Variants in EP300 observed in about 807,000 individuals in gnomAD.
EP300 encodes histone acetyltransferase p300.
EP300 carries 31 observed loss-of-function variants against 264.0 expected under a neutral mutation model. The observed-to-expected ratio is 0.12, with a 90% CI of 0.09 to 0.16. The LOEUF is 0.16. Ranked by LOEUF, EP300 falls within the 10% of genes least tolerant of loss-of-function variation. The probability of loss-of-function intolerance (pLI) is 1.00; values close to 1 mark genes in which losing one functional copy is unlikely to be tolerated. For synonymous variants in EP300, 1,340 were observed against 1,045.4 expected (o/e 1.28, Z -5.44); for missense variants, 2,766 against 3,052.9 (o/e 0.91, Z 2.21).
At chr22:41,137,875 G>A (rs567737014) in intron 8 of EP300, 85 bp downstream of exon 8, 109 of 1,580,872 alleles carry the variant, frequency 6.9e-5, no homozygotes, top group Middle Eastern at 3.4e-4. Context: ...AATTACTAAA[G>A]GAATATTAGC....
At chr22:41,170,380 A>C (rs1443139140) in intron 26 of EP300, 26 bp from the exon 27 acceptor site, 1 of 1,605,386 alleles carries the variant, frequency 6.2e-7, no homozygotes, top group African/African-American at 1.3e-5. Flanking sequence ...TCTTTTCCTT[A>C]ATGTTCTTTC....
chr22:41,142,446 A>G (rs1279856988), intron 10 of EP300, among the ~76,000 whole-genome samples: 3 of 152,174 alleles, frequency 2.0e-5, no homozygotes, highest in Non-Finnish European at 4.4e-5. Context: ...TGCTGAGGAA[A>G]TAGTATACAT....
At chr22:41,121,227 G>A (rs2145701783) in intron 2 of EP300, among the ~76,000 whole-genome samples, 1 of 152,252 alleles carries the variant, frequency 6.6e-6, no homozygotes, top group East Asian at 1.9e-4. Flanking sequence ...AGAACTTTGT[G>A]TGGCTTCCTC....
At chr22:41,104,326 G>T (rs1013594618) in intron 1 of EP300, among the ~76,000 whole-genome samples, 1 of 151,354 alleles carries the variant, frequency 6.6e-6, no homozygotes, top group African/African-American at 2.4e-5. Context: ...GTCTTGCTCT[G>T]TTGCCCAGGC....
At position 41,127,703 on chromosome 22, in the gene EP300, G is replaced by A. The variant is rs2145710456; in HGVS notation, c.1123G>A (p.Val375Ile). 1 of 1,614,222 alleles carries A rather than the reference G, an allele frequency of 6.2e-7. No homozygotes were observed. The highest frequency in any genetic ancestry group is 8.5e-7 in the Non-Finnish European group (1 of 1,180,044). The change falls in exon 4 of 31, where the codon GTC (valine) becomes ATC (isoleucine). Residue 375 changes from valine to isoleucine, a missense_variant. Val to Ile is a conservative substitution (Grantham distance 29). Transcript: ENST00000263253. ...NLPHCRTMKN[V>I]LNHMTHCQSG... The stretch of plus-strand genomic sequence containing the variant: ...TCCCCACTGTCGCACAATGAAGAAT[G>A]TCCTAAACCACATGACACACTGCCA...
At chr22:41,131,295 A>G in intron 5 of EP300, 93 bp from the exon 6 acceptor site, 1 of 1,361,636 alleles carries the variant, frequency 7.3e-7, no homozygotes, top group Non-Finnish European at 1.0e-6. Flanking sequence ...ATAATCACGT[A>G]ACAATAATTT....
At chr22:41,115,706 C>T (rs1424050184) in intron 1 of EP300, among the ~76,000 whole-genome samples, 2 of 152,158 alleles carry the variant, frequency 1.3e-5, no homozygotes, top group Non-Finnish European at 2.9e-5. Flanking sequence ...GCTACCAGGG[C>T]TGGTCTTGCA....
chr22:41,138,683 G>A (rs2058965658), intron 8 of EP300, among the ~76,000 whole-genome samples: 1 of 152,136 alleles, frequency 6.6e-6, no homozygotes, highest in Non-Finnish European at 1.5e-5. Context: ...AAAAGGTAGA[G>A]CTTGGACCTT....
In EP300 at chr22:41,092,766, C is replaced by T. The variant is rs1046497808; in HGVS notation, c.-239C>T. 6.4e-6 allele frequency: 4 copies of T among 622,288 alleles called. No homozygotes were observed. The highest frequency in any genetic ancestry group is 1.9e-5 in the African/African-American group (1 of 53,948). 38.5% of individuals were successfully genotyped at this position (622,288 alleles called of 1,614,324 possible). On this transcript the variant is annotated 5_prime_UTR_variant, in exon 1 of 31. Coordinates refer to ENST00000263253, the MANE Select transcript of EP300 (RefSeq NM_001429.4). ...CTCGGCGAATTTGTGCTCTTGTGCCCTCCTCCGGGCTTGGGCCCAGGCCCG... is the reference window on the plus strand; with the variant it reads ...CTCGGCGAATTTGTGCTCTTGTGCCTTCCTCCGGGCTTGGGCCCAGGCCCG...
At chr22:41,161,235 T>C (rs578255293) in intron 20 of EP300, among the ~76,000 whole-genome samples, 13 of 152,232 alleles carry the variant, frequency 8.5e-5, no homozygotes, top group Non-Finnish European at 1.5e-4. Context: ...CATGCCGGGG[T>C]TTAAGAGATT....
chr22:41,179,081 C>G lies in EP300; in HGVS notation c.*125C>G, dbSNP rs1017839584. ...CAATTTTCCTTGGAACACATAAGAA[C>G]TGTGCAGTAGCCGTTTGTGGTTTAA... On this transcript the variant is annotated 3_prime_UTR_variant, in exon 31 of 31. Transcript: ENST00000263253. 2 of 1,110,788 alleles carry G rather than the reference C, an allele frequency of 1.8e-6. No individual in the cohort carries two copies. The highest frequency in any genetic ancestry group is 3.1e-5 in the African/African-American group (2 of 64,256). 68.8% of individuals were successfully genotyped at this position (1,110,788 alleles called of 1,614,324 possible). A position where few individuals can be genotyped will look rare whatever the true frequency, so the allele number is the denominator to read the frequency against.
chr22:41,120,000 G>A (rs536834059), intron 2 of EP300, among the ~76,000 whole-genome samples: 1 of 152,222 alleles, frequency 6.6e-6, no homozygotes, highest in South Asian at 2.1e-4. Flanking sequence ...TTTTAGTAGA[G>A]AAGGAGTTTC....
chr22:41,168,366 G>A, intron 23 of EP300, 83 bp from the exon 24 acceptor site: 1 of 1,523,578 alleles, frequency 6.6e-7, no homozygotes. Flanking sequence ...ATTGAAAAAA[G>A]TACAAATGAG....
Position 41,177,333 on chromosome 22 carries a change from G to T in EP300, c.5622G>T (p.Gln1874His). 3 of 1,613,878 alleles carry T rather than the reference G, an allele frequency of 1.9e-6. No homozygotes were observed. The highest frequency in any genetic ancestry group is 1.3e-5 in the African/African-American group (1 of 74,920). The change falls in exon 31 of 31, where the codon CAG becomes CAT. Residue 1874 changes from glutamine to histidine, a missense_variant. By Grantham distance (24) the Gln-to-His change is conservative. Transcript: ENST00000263253. ...CGCAGACGCCCCAGCCCACTTCTCAGCCTCAGCCTACCCCTCCCAATAGCA... is the reference window on the plus strand; with the variant it reads ...CGCAGACGCCCCAGCCCACTTCTCATCCTCAGCCTACCCCTCCCAATAGCA... ...TTPQTPQPTS[Q>H]PQPTPPNSMP...
At chr22:41,135,782 TTC>T in intron 6 of EP300, 29 bp from the exon 7 acceptor site, 1 of 1,490,762 alleles carries the variant, frequency 6.7e-7, no homozygotes, top group Non-Finnish European at 9.4e-7. Flanking sequence ...TTGTATTTAT[TTC>T]TGTCTCCTGT....
intron 22 of EP300, among the ~76,000 whole-genome samples, chr22:41,164,722 A>G (rs1473643583): frequency 6.6e-6 from 1 of 152,112 alleles, no homozygotes; most frequent in Non-Finnish European, 1.5e-5. Context: ...CTCAAAGAAA[A>G]AAGTAAATGC....
intron 11 of EP300, 151 bp from the exon 12 acceptor site, chr22:41,147,686 G>C (rs533641445): frequency 1.2e-4 from 71 of 611,468 alleles, no homozygotes; most frequent in Non-Finnish European, 8.6e-5. Flanking sequence ...TGCAGTGAGC[G>C]GAGATTGCGC....
At chr22:41,140,295 G>T (rs12628857) in intron 9 of EP300, 38 bp downstream of exon 9, 2 of 1,351,132 alleles carry the variant, frequency 1.5e-6, no homozygotes, top group East Asian at 2.3e-5. Context: ...AGCCAAGATT[G>T]AACCTGTTGT....
rs190472819 is a variant in EP300 at position 41,120,258 on chromosome 22, G to A, written c.729+2437G>A. Among the ~76,000 whole-genome samples the A allele has an allele frequency of 2.3e-3, 343 of 152,202 alleles. 2 individuals carry two copies. Among genetic ancestry groups the A allele is most frequent in the Non-Finnish European group, 3.4e-3 (231 of 68,022 alleles). On this transcript the variant is annotated intron_variant, in intron 2 of 30. Coordinates refer to ENST00000263253, the MANE Select transcript of EP300 (RefSeq NM_001429.4). The stretch of plus-strand genomic sequence containing the variant: ...ATAACCACTTAAGGCTGGATGCAGC[G>A]GTTCACACCTAGAATCATTCCAGAC...
Sources: allele counts gnomAD v4.1 joint callset (sites outside exome capture counted in the v4.1 genomes callset), GRCh38; gene constraint gnomAD v4.1.1; transcripts MANE v1.5; gene names NCBI Gene and HGNC (gene_info 2026-07-23, HGNC 2026-07-21).